Variants in ZYG11B observed in about 807,000 individuals in gnomAD.
ZYG11B encodes protein zyg-11 homolog B.
Under a neutral mutation model 82.4 loss-of-function variants are expected in ZYG11B, and 36 were observed. That is an observed-to-expected ratio of 0.44 (90% CI 0.33 to 0.58). The LOEUF (loss-of-function observed/expected upper bound fraction) is 0.58. ZYG11B is among the 20% of genes least tolerant of loss of function. The pLI is 0.02. For missense variants in ZYG11B, 552 were observed against 895.6 expected (o/e 0.62, Z 4.90); for synonymous variants, 303 against 312.8 (o/e 0.97, Z 0.33).
chr1:52,744,001 A>G (rs539713984), intron 1 of ZYG11B, among the ~76,000 whole-genome samples: 13 of 151,482 alleles, frequency 8.6e-5, no homozygotes, highest in African/African-American at 3.2e-4. Context: ...GGCACAATTG[A>G]TCTCAGCTCA....
intron 12 of ZYG11B, 119 bp from the exon 13 acceptor site, chr1:52,816,413 T>G (rs2149966680): frequency 1.5e-6 from 1 of 668,664 alleles, no homozygotes; most frequent in East Asian, 2.7e-5. Flanking sequence ...ATAGCTCATT[T>G]ATATTAGTCT....
chr1:52,779,742 G>A, intron 3 of ZYG11B, 111 bp from the exon 4 acceptor site: 2 of 1,323,964 alleles, frequency 1.5e-6, no homozygotes, highest in Admixed American at 4.6e-5. Context: ...CACCCACCTT[G>A]GCCTCCCAAA....
At chr1:52,815,862 G>A (rs1186973579) in intron 12 of ZYG11B, among the ~76,000 whole-genome samples, 2 of 151,542 alleles carry the variant, frequency 1.3e-5, no homozygotes, top group African/African-American at 4.9e-5. Flanking sequence ...GTGAACCCAG[G>A]AGGCGGAGGT....
intron 4 of ZYG11B, among the ~76,000 whole-genome samples, chr1:52,783,401 G>A (rs1312385649): frequency 1.3e-5 from 2 of 152,044 alleles, no homozygotes; most frequent in African/African-American, 4.8e-5. Flanking sequence ...TGATATAGGA[G>A]TAGGAGGGGT....
chr1:52,773,289 C>G (rs1571767643), intron 3 of ZYG11B, among the ~76,000 whole-genome samples: 1 of 151,614 alleles, frequency 6.6e-6, no homozygotes, highest in Non-Finnish European at 1.5e-5. Flanking sequence ...GCTTGGCCAA[C>G]ATGGTGAAAC....
At chr1:52,797,051 ATAT>A (rs1189311305) in intron 8 of ZYG11B, among the ~76,000 whole-genome samples, 2 of 88,452 alleles carry the variant, frequency 2.3e-5, no homozygotes, top group South Asian at 2.9e-4. Flanking sequence ...AAATTTTTAT[ATAT>A]TATATATATT....
intron 1 of ZYG11B, among the ~76,000 whole-genome samples, chr1:52,751,856 A>T (rs1051217711): frequency 6.6e-6 from 1 of 151,968 alleles, no homozygotes; most frequent in Non-Finnish European, 1.5e-5. Context: ...ACTCCTTTAT[A>T]TTCACACCAC....
At position 52,771,334 on chromosome 1, in the gene ZYG11B, A is replaced by G; in HGVS notation, c.511A>G (p.Asn171Asp). The G allele has an allele frequency of 1.9e-6, 3 of 1,614,188 alleles. No individual in the cohort carries two copies. Among genetic ancestry groups the G allele is most frequent in the Non-Finnish European group, 2.5e-6 (3 of 1,180,040 alleles). The stretch of plus-strand genomic sequence containing the variant: ...TGGCCTTCGAGCTTTAAGCATCACG[A>G]ATGTTCTCTTTTACAATGAAGACCT... ...LSGLRALSIT[N>D]VLFYNEDLAE... The change falls in exon 3 of 14, where the codon AAT becomes GAT. Residue 171 changes from asparagine (N) to aspartate (D), a missense_variant. Asn to Asp is a conservative substitution (Grantham distance 23). Transcript: ENST00000294353. The surrounding 1 kb of genome is among the most constrained non-coding windows in gnomAD (Gnocchi z 5.4).
At chr1:52,816,779 T>TA in intron 13 of ZYG11B, 150 bp downstream of exon 13, 14 of 453,922 alleles carry the variant, frequency 3.1e-5, no homozygotes, top group East Asian at 4.5e-5. Context: ...CTTAAGGTAT[T>TA]CTTTTTTTTT....
At chr1:52,812,559 C>T (rs906281893) in intron 10 of ZYG11B, among the ~76,000 whole-genome samples, 4 of 151,888 alleles carry the variant, frequency 2.6e-5, no homozygotes, top group African/African-American at 9.7e-5. Flanking sequence ...CATGACACCA[C>T]GCCCAGCTAA....
At chr1:52,732,140 A>C (rs766322728) in intron 1 of ZYG11B, among the ~76,000 whole-genome samples, 19 of 152,218 alleles carry the variant, frequency 1.2e-4, no homozygotes, top group Admixed American at 1.3e-4. Context: ...TGAACTAAAA[A>C]GATGGAAGTT....
chr1:52,732,069 CT>C (rs745820023), intron 1 of ZYG11B, among the ~76,000 whole-genome samples: 3 of 152,224 alleles, frequency 2.0e-5, no homozygotes, highest in Non-Finnish European at 2.9e-5. Context: ...TCCCAAAGTC[CT>C]GGGATTACAG....
chr1:52,756,965 G>A lies in ZYG11B; in HGVS notation c.196+342G>A, dbSNP rs74353027. ...CCTGTGTAGCTGGGACCACAGGCTT[G>A]TGCCACCACATCTGGCTAATTTCAA... On this transcript the variant is annotated intron_variant, in intron 2 of 13. Coordinates refer to ENST00000294353, the MANE Select transcript of ZYG11B (RefSeq NM_024646.3). Among the ~76,000 whole-genome samples the A allele has an allele frequency of 0.034, 5,151 of 151,332 alleles. 384 individuals are homozygous for A. The East Asian group carries it at 0.35, about 10-fold the overall frequency.
chr1:52,793,837 G>A (rs1372849146), intron 6 of ZYG11B, among the ~76,000 whole-genome samples: 1 of 134,902 alleles, frequency 7.4e-6, no homozygotes, highest in Non-Finnish European at 1.5e-5. Context: ...TAAGTCCTCG[G>A]ACAGGTTTCT....
At chr1:52,757,589 C>A (rs188251084) in intron 2 of ZYG11B, among the ~76,000 whole-genome samples, 2 of 152,124 alleles carry the variant, frequency 1.3e-5, no homozygotes, top group African/African-American at 4.8e-5. Context: ...ACAGGAGAAT[C>A]GCTTGAACCC....
chr1:52,730,842 TAAAAA>T lies in ZYG11B; in HGVS notation c.30+4170_30+4174del, dbSNP rs111735830. ...CCTGGGCAACAGAGCGAGACCTCAT[TAAAAA>T]AAAAAAAAAATAGAAAGGAAAGAAA... On this transcript the variant is annotated intron_variant, in intron 1 of 13. Transcript: ENST00000294353. Among the ~76,000 whole-genome samples, 6 of 119,426 alleles carry T rather than the reference TAAAAA, an allele frequency of 5.0e-5. 1 individual carries two copies. 78.3% of individuals were successfully genotyped at this position (119,426 alleles called of 152,430 possible).
rs945746994 is a variant in ZYG11B, at chr1:52,756,730, C to T, written c.196+107C>T. On this transcript the variant is annotated intron_variant, in intron 2 of 13. Transcript: ENST00000294353. Reference sequence around the variant, plus strand: ...ATTTTCTTAGAAATAACTGAGAAGGCCAAATGAGCCTGATTCCAGGACTAT... The same window carrying T: ...ATTTTCTTAGAAATAACTGAGAAGGTCAAATGAGCCTGATTCCAGGACTAT... 12 of 1,037,948 alleles carry T rather than the reference C, an allele frequency of 1.2e-5. No homozygotes were observed. The East Asian group carries it at 2.6e-4, about 22-fold the overall frequency. The allele number at this position is 1,037,948 out of a possible 1,614,324, so 64.3% of individuals were successfully genotyped here. A position where few individuals can be genotyped will look rare whatever the true frequency, so the allele number is the denominator to read the frequency against.
intron 6 of ZYG11B, among the ~76,000 whole-genome samples, chr1:52,793,586 AC>A (rs372428403): frequency 9.2e-5 from 14 of 152,334 alleles, no homozygotes; most frequent in African/African-American, 3.4e-4. Context: ...GCATTGCCTC[AC>A]GATAAAATAA....
chr1:52,726,739 G>C, intron 1 of ZYG11B, 56 bp downstream of exon 1: 1 of 1,420,584 alleles, frequency 7.0e-7, no homozygotes. Context: ...GCCCCCGCCC[G>C]TCGCGCTGGC....
Sources: allele counts gnomAD v4.1 joint callset (sites outside exome capture counted in the v4.1 genomes callset), GRCh38; gene constraint gnomAD v4.1.1; non-coding constraint Gnocchi (gnomAD v3.1); transcripts MANE v1.5; gene names NCBI Gene and HGNC (gene_info 2026-07-23, HGNC 2026-07-21).